Variants in CSNK1E observed in about 807,000 individuals in gnomAD.
The protein encoded by CSNK1E is casein kinase 1 epsilon.
Under a neutral mutation model 46.1 loss-of-function variants are expected in CSNK1E, and 17 were observed. The observed-to-expected ratio is 0.37, with a 90% CI of 0.25 to 0.55. The LOEUF (loss-of-function observed/expected upper bound fraction) is 0.55, where lower values mean the gene tolerates loss of function less well. CSNK1E is among the 20% of genes least tolerant of loss of function. The pLI, the probability that CSNK1E is intolerant of heterozygous loss-of-function variation, is 0.82. For synonymous variants in CSNK1E, 241 were observed against 242.6 expected (o/e 0.99, Z 0.06); for missense variants, 386 against 595.4 (o/e 0.65, Z 3.66).
chr22:38,294,146 G>A lies in CSNK1E; in HGVS notation c.1181C>T (p.Thr394Ile), dbSNP rs1569074624. Residue 394 changes from threonine to isoleucine, a missense_variant, in exon 9 of 11, where the codon ACT (threonine) becomes ATT (isoleucine). Thr to Ile is a moderately conservative substitution (Grantham distance 89). Transcript: ENST00000396832. This position sits in a 1 kb window ranked among gnomAD's most constrained non-coding sequence, Gnocchi z 5.5. The stretch of plus-strand genomic sequence containing the variant: ...GATCCGGGAGACCTCTTGCCGCCCA[G>A]TGAGGTCTGAGGAGGAGACGTTGGC... ...APANVSSSDL[T>I]GRQEVSRIPA... 2 of 1,611,676 alleles carry A rather than the reference G, an allele frequency of 1.2e-6. No homozygotes were observed. Among genetic ancestry groups the A allele is most frequent in the Non-Finnish European group, 1.7e-6 (2 of 1,179,650 alleles).
At chr22:38,314,676 C>A (rs561379819) in intron 1 of CSNK1E, among the ~76,000 whole-genome samples, 4 of 152,362 alleles carry the variant, frequency 2.6e-5, no homozygotes, top group Non-Finnish European at 5.9e-5. Context: ...ACCAAGACCT[C>A]ACACGGAGGC....
At position 38,294,083 on chromosome 22, in the gene CSNK1E, G is replaced by C. The variant is rs377188606; in HGVS notation, c.1218+26C>G. 1.2e-6 allele frequency: 2 copies of C among 1,604,200 alleles called. No individual in the cohort carries two copies. The highest frequency in any genetic ancestry group is 2.2e-5 in the East Asian group (1 of 44,766). Reference sequence around the variant, plus strand: ...GTCTCTAACTCAGTTCTGAGGCCCAGAGGGACTGGCAGGGGGGCAGCTCAC... The same window carrying C: ...GTCTCTAACTCAGTTCTGAGGCCCACAGGGACTGGCAGGGGGGCAGCTCAC... On this transcript the variant is annotated intron_variant, in intron 9 of 10. Transcript: ENST00000396832. This position sits in a 1 kb window ranked among gnomAD's most constrained non-coding sequence, Gnocchi z 5.5.
chr22:38,313,132 G>A (rs1418845750), intron 2 of CSNK1E, among the ~76,000 whole-genome samples: 1 of 152,146 alleles, frequency 6.6e-6, no homozygotes, highest in East Asian at 1.9e-4. Flanking sequence ...CTAACCATGG[G>A]GTAACAGAAA....
chr22:38,301,883 A>G (rs988330375), intron 4 of CSNK1E, among the ~76,000 whole-genome samples: 7 of 152,142 alleles, frequency 4.6e-5, no homozygotes, highest in African/African-American at 1.4e-4. Context: ...CCTTCAGCCT[A>G]CATCGCAGGG....
At chr22:38,306,729 CA>C (rs135754) in intron 2 of CSNK1E, among the ~76,000 whole-genome samples, 2,547 of 147,168 alleles carry the variant, frequency 0.017, 60 homozygotes, top group African/African-American at 0.062. Context: ...GACTCCATCT[CA>C]AAAAAAAAAA....
chr22:38,308,206 A>G (rs1382197852), intron 2 of CSNK1E, among the ~76,000 whole-genome samples: 1 of 152,150 alleles, frequency 6.6e-6, no homozygotes, highest in African/African-American at 2.4e-5. Context: ...TTGTGTTTTG[A>G]TTTTTGAGTA....
At chr22:38,296,352 G>T in intron 7 of CSNK1E, 2 of 1,379,828 alleles carry the variant, frequency 1.4e-6, no homozygotes, top group Non-Finnish European at 1.9e-6. Context: ...CACAGTGGCT[G>T]TATGTGCTGA....
At chr22:38,310,111 T>C (rs1298850266) in intron 2 of CSNK1E, among the ~76,000 whole-genome samples, 3 of 152,262 alleles carry the variant, frequency 2.0e-5, no homozygotes, top group Non-Finnish European at 4.4e-5. Flanking sequence ...GTGTTTTTTC[T>C]CCACTCAAAC....
At chr22:38,316,008 G>A (rs1377457009) in intron 1 of CSNK1E, among the ~76,000 whole-genome samples, 1 of 151,934 alleles carries the variant, frequency 6.6e-6, no homozygotes, top group East Asian at 1.9e-4. Context: ...AGACTGTCCC[G>A]GCACCAATAC....
rs1273645499 is a variant in CSNK1E, at chr22:38,314,112, C to T, written c.46G>A (p.Gly16Arg). 4 of 1,613,988 alleles carry T rather than the reference C, an allele frequency of 2.5e-6. No homozygotes were observed. Among genetic ancestry groups the T allele is most frequent in the Non-Finnish European group, 3.4e-6 (4 of 1,179,976 alleles). The change falls in exon 2 of 11, where the codon GGG becomes AGG. Residue 16 changes from glycine to arginine, a missense_variant. Gly to Arg is a moderately radical substitution (Grantham distance 125). Coordinates refer to ENST00000396832, the MANE Select transcript of CSNK1E (RefSeq NM_152221.3). ...TAGATATCTCCGAAGGACCCGCTCC[C>T]GATCTTCCGTCCCAGGCGGTACTTG... Reference protein sequence around the residue: ...GNKYRLGRKIGSGSFGDIYLG... With the variant: ...GNKYRLGRKIRSGSFGDIYLG...
At chr22:38,317,901 A>T (rs2092756765), upstream of CSNK1E, 1 of 152,280 alleles carries the variant, frequency 6.6e-6, no homozygotes, top group Non-Finnish European at 1.5e-5. Flanking sequence ...CAGAGAACAC[A>T]GGCCAGGTTG....
rs1569077676 is a variant in CSNK1E at position 38,300,068 on chromosome 22, G to A, written c.566-3C>T. 1 of 1,613,036 alleles carries A rather than the reference G, an allele frequency of 6.2e-7. No homozygotes were observed. The highest frequency in any genetic ancestry group is 1.3e-5 in the African/African-American group (1 of 75,008). ...CAGGTCATCTCGACGGCTTTGCTCT[G>A]CACAGAGAGTCAAAGACTAGGTGAG... On this transcript the variant is annotated splice_polypyrimidine_tract_variant and splice_region_variant and intron_variant, in intron 5 of 10. Coordinates refer to ENST00000396832, the MANE Select transcript of CSNK1E (RefSeq NM_152221.3). This position sits in a 1 kb window ranked among gnomAD's most constrained non-coding sequence, Gnocchi z 4.4.
intron 2 of CSNK1E, among the ~76,000 whole-genome samples, chr22:38,306,186 G>A (rs776316187): frequency 6.6e-6 from 1 of 152,164 alleles, no homozygotes; most frequent in Non-Finnish European, 1.5e-5. Flanking sequence ...TTAAAAAGGT[G>A]GGGAACTAAG....
Position 38,314,213 on chromosome 22 carries a change from C to T in CSNK1E, c.-12-44G>A, listed in dbSNP as rs766942775. Reference sequence around the variant, plus strand: ...CATGAGGGTCAGCGACGTGGGGAGCCGGGAAAGGGGTCCAGTCCACCAAGG... The same window carrying T: ...CATGAGGGTCAGCGACGTGGGGAGCTGGGAAAGGGGTCCAGTCCACCAAGG... On this transcript the variant is annotated intron_variant, in intron 1 of 10. Coordinates refer to ENST00000396832, the MANE Select transcript of CSNK1E (RefSeq NM_152221.3). 149 of 1,531,584 alleles carry T rather than the reference C, an allele frequency of 9.7e-5. 1 individual carries two copies. Among genetic ancestry groups the T allele is most frequent in the Non-Finnish European group, 1.2e-4 (135 of 1,108,984 alleles). 94.9% of individuals were successfully genotyped at this position (1,531,584 alleles called of 1,614,324 possible). A position where few individuals can be genotyped will look rare whatever the true frequency, so the allele number is the denominator to read the frequency against.
intron 7 of CSNK1E, chr22:38,296,668 G>C: frequency 6.2e-7 from 1 of 1,612,780 alleles, no homozygotes; most frequent in African/African-American, 1.3e-5. Context: ...GCAGCAGTGG[G>C]TGGAGAGGTG....
chr22:38,302,734 T>G, intron 4 of CSNK1E, 127 bp downstream of exon 4: 2 of 1,084,270 alleles, frequency 1.8e-6, no homozygotes, highest in Non-Finnish European at 2.7e-6. Context: ...ACACCTACAA[T>G]TCTATAGCCA....
intron 2 of CSNK1E, among the ~76,000 whole-genome samples, chr22:38,312,474 G>C (rs2092725243): frequency 6.6e-6 from 1 of 152,148 alleles, no homozygotes; most frequent in Non-Finnish European, 1.5e-5. Context: ...TGGTTTGCTT[G>C]ACTAGCCTTC....
chr22:38,293,449 C>A, intron 9 of CSNK1E, 130 bp from the exon 10 acceptor site: 1 of 632,166 alleles, frequency 1.6e-6, no homozygotes. Flanking sequence ...ACCCCCACCC[C>A]CACCTCCAGG....
At chr22:38,316,254 G>A (rs942539886) in intron 1 of CSNK1E, among the ~76,000 whole-genome samples, 4 of 152,164 alleles carry the variant, frequency 2.6e-5, no homozygotes, top group African/African-American at 9.7e-5. Flanking sequence ...CCTGAGCCGG[G>A]GCCCTTGTCC....
Sources: gnomAD v4.1 joint callset for allele counts (sites outside exome capture counted in the v4.1 genomes callset) on GRCh38, gnomAD v4.1.1 for gene constraint, Gnocchi (gnomAD v3.1) non-coding constraint, MANE v1.5 for transcripts, NCBI Gene and HGNC (gene_info 2026-07-23, HGNC 2026-07-21) for gene names.